GLB1L3: variants seen among roughly 807,000 people sequenced by gnomAD.
GLB1L3 encodes the protein galactosidase beta 1 like 3.
A neutral mutation model predicts 89.5 loss-of-function variants in GLB1L3; 89 were observed. That is an observed-to-expected ratio of 0.99 (90% CI 0.84 to 1.19). The LOEUF (loss-of-function observed/expected upper bound fraction) is 1.19. GLB1L3 is among the 50% of genes most tolerant of loss of function. The pLI is 0.00. For synonymous variants in GLB1L3, 314 were observed against 312.3 expected (o/e 1.01, Z -0.06); for missense variants, 812 against 813.3 (o/e 1.00, Z 0.02).
intron 9 of GLB1L3, 33 bp from the exon 10 acceptor site, chr11:134,307,091 C>T: frequency 6.5e-7 from 1 of 1,537,224 alleles, no homozygotes; most frequent in South Asian, 1.2e-5. Flanking sequence ...TTGTTTTTTG[C>T]CAGACTTAGT....
intron 10 of GLB1L3, among the ~76,000 whole-genome samples, chr11:134,308,580 T>TCAC (rs1384836650): frequency 1.1e-5 from 1 of 94,100 alleles, no homozygotes; most frequent in Admixed American, 1.2e-4. Context: ...ACCATCACCA[T>TCAC]CACCATCATC....
chr11:134,318,419 G>A (rs1003198690), intron 18 of GLB1L3, among the ~76,000 whole-genome samples: 2 of 152,146 alleles, frequency 1.3e-5, no homozygotes, highest in African/African-American at 2.4e-5. Flanking sequence ...AGGAACAATA[G>A]CAGCCTTACC....
chr11:134,313,835 C>T, intron 16 of GLB1L3, 106 bp from the exon 17 acceptor site: 1 of 743,224 alleles, frequency 1.3e-6, no homozygotes, highest in Non-Finnish European at 2.4e-6. Context: ...CCTGGCTGTG[C>T]CCCTGTCCTA....
intron 9 of GLB1L3, among the ~76,000 whole-genome samples, chr11:134,302,312 G>A (rs1007884812): frequency 1.0e-4 from 15 of 150,214 alleles, no homozygotes; most frequent in African/African-American, 2.0e-4. Context: ...TGTTTTAAAC[G>A]AGGAGAAAAC....
chr11:134,308,139 CAAT>C (rs1942288655), intron 10 of GLB1L3, among the ~76,000 whole-genome samples: 1 of 144,124 alleles, frequency 6.9e-6, no homozygotes, highest in Non-Finnish European at 1.5e-5. Flanking sequence ...ATCACCACCA[CAAT>C]CACCATCATC....
At chr11:134,286,731 G>C (rs1282399283) in intron 6 of GLB1L3, among the ~76,000 whole-genome samples, 5 of 151,384 alleles carry the variant, frequency 3.3e-5, no homozygotes, top group Non-Finnish European at 7.4e-5. Context: ...GAGCCAAGAT[G>C]GCGCCACCGC....
At chr11:134,282,565 G>A (rs1479657575) in intron 5 of GLB1L3, among the ~76,000 whole-genome samples, 2 of 152,268 alleles carry the variant, frequency 1.3e-5, no homozygotes, top group East Asian at 1.9e-4. Context: ...CTGATCTTTC[G>A]CTTATTTTGT....
At chr11:134,293,714 C>T (rs1363601205) in intron 9 of GLB1L3, among the ~76,000 whole-genome samples, 1 of 112,548 alleles carries the variant, frequency 8.9e-6, no homozygotes, top group Non-Finnish European at 2.2e-5. Flanking sequence ...CCAGGGAGTA[C>T]ATCTGTCCTT....
In GLB1L3 at chr11:134,277,792, C is replaced by T; in HGVS notation, c.242C>T (p.Thr81Ile). 1 of 1,614,094 alleles carries T rather than the reference C, an allele frequency of 6.2e-7. No homozygotes were observed. The highest frequency in any genetic ancestry group is 8.5e-7 in the Non-Finnish European group (1 of 1,180,024). The change falls in exon 3 of 20, where the codon ACA becomes ATA. Residue 81 changes from threonine to isoleucine, a missense_variant. By Grantham distance (89) the Thr-to-Ile change is moderately conservative. Coordinates refer to ENST00000431683, the MANE Select transcript of GLB1L3 (RefSeq NM_001080407.3). ...ESTGRGKPHF[T>I]LEGHKFLIFG... Reference sequence around the variant, plus strand: ...ACAGGTCGGGGTAAGCCCCACTTCACACTGGAGGGCCACAAGTTCCTGATC... The same window carrying T: ...ACAGGTCGGGGTAAGCCCCACTTCATACTGGAGGGCCACAAGTTCCTGATC...
chr11:134,298,941 C>T (rs1941797889), intron 9 of GLB1L3, among the ~76,000 whole-genome samples: 1 of 152,192 alleles, frequency 6.6e-6, no homozygotes, highest in Non-Finnish European at 1.5e-5. Flanking sequence ...ATTCAAATCG[C>T]ACGTACATTA....
At chr11:134,290,492 GA>G (rs1941289534) in intron 7 of GLB1L3, among the ~76,000 whole-genome samples, 1 of 148,878 alleles carries the variant, frequency 6.7e-6, no homozygotes, top group Non-Finnish European at 1.5e-5. Context: ...AAAATCACCT[GA>G]ACCTGGGAGA....
At chr11:134,308,576 ACCATCACCATCATCACCATCACCT>A in intron 10 of GLB1L3, among the ~76,000 whole-genome samples, 1 of 147,346 alleles carries the variant, frequency 6.8e-6, no homozygotes, top group Non-Finnish European at 1.5e-5. Flanking sequence ...CACCACCATC[ACCATCACCATCATCACCATCACCT>A]CCACCACCAC....
At chr11:134,278,848 T>C (rs1017170593) in intron 3 of GLB1L3, among the ~76,000 whole-genome samples, 1 of 152,208 alleles carries the variant, frequency 6.6e-6, no homozygotes, top group Non-Finnish European at 1.5e-5. Context: ...ACTGCATGTA[T>C]TGGGGGGACA....
chr11:134,292,341 C>A, intron 8 of GLB1L3, 128 bp downstream of exon 8: 1 of 644,418 alleles, frequency 1.6e-6, no homozygotes, highest in Non-Finnish European at 2.7e-6. Context: ...GGGATGGATC[C>A]TGGAGTTCGA....
intron 17 of GLB1L3, 80 bp from the exon 18 acceptor site, chr11:134,314,250 C>T: frequency 1.0e-6 from 1 of 966,582 alleles, no homozygotes; most frequent in African/African-American, 1.7e-5. Context: ...TTAGGCTCGG[C>T]CCACGCCACC....
intron 13 of GLB1L3, 184 bp downstream of exon 13, chr11:134,311,354 T>C: frequency 3.3e-6 from 2 of 601,968 alleles, no homozygotes; most frequent in South Asian, 3.8e-5. Context: ...GACCTTGGAG[T>C]CAGTGTGCAG....
At position 134,305,034 on chromosome 11, in the gene GLB1L3, T is replaced by C. The variant is rs1291884462; in HGVS notation, c.877-2090T>C. ...ATGTATCTTAGTGGCATAATAACAA[T>C]GTATCTTAGTGGCACAATGCTGTAG... On this transcript the variant is annotated intron_variant, in intron 9 of 19. Transcript: ENST00000431683. The C allele has an allele frequency of 1.0e-5, 15 of 1,491,348 alleles. No homozygotes were observed. In the Admixed American group the frequency reaches 2.3e-4, roughly 23 times the overall value. 92.4% of individuals were successfully genotyped at this position (1,491,348 alleles called of 1,614,324 possible).
At chr11:134,322,797 T>G (rs1318042393), downstream of GLB1L3, among the ~76,000 whole-genome samples, 1 of 152,238 alleles carries the variant, frequency 6.6e-6, no homozygotes, top group Non-Finnish European at 1.5e-5. Context: ...ACATAGCATT[T>G]TGTTTATCCA....
rs367829675 is a variant in GLB1L3 at position 134,308,446 on chromosome 11, T to C, written c.962-1180T>C. 7.9e-3 allele frequency among the ~76,000 whole-genome samples: 133 copies of C among 16,790 alleles called. 1 individual carries two copies. Among genetic ancestry groups the C allele is most frequent in the African/African-American group, 0.018 (46 of 2,584 alleles). 11.0% of individuals were successfully genotyped at this position (16,790 alleles called of 152,430 possible). A position where few individuals can be genotyped will look rare whatever the true frequency, so the allele number is the denominator to read the frequency against. Reference sequence around the variant, plus strand: ...ATCACCATCACCACCACCACCACCATCACCACCACCACCACCACCACCACC... The same window carrying C: ...ATCACCATCACCACCACCACCACCACCACCACCACCACCACCACCACCACC... On this transcript the variant is annotated intron_variant, in intron 10 of 19. Coordinates refer to ENST00000431683, the MANE Select transcript of GLB1L3 (RefSeq NM_001080407.3).
Sources: allele counts gnomAD v4.1 joint callset (sites outside exome capture counted in the v4.1 genomes callset), GRCh38; gene constraint gnomAD v4.1.1; transcripts MANE v1.5; gene names NCBI Gene and HGNC (gene_info 2026-07-23, HGNC 2026-07-21).